PVALB: variants seen among roughly 807,000 people sequenced by gnomAD.
The protein encoded by PVALB is parvalbumin alpha.
Under a neutral mutation model 10.9 loss-of-function variants are expected in PVALB, and 11 were observed. The ratio of observed to expected loss-of-function variants is 1.01; its 90% confidence interval spans 0.63 to 1.67. PVALB has a LOEUF of 1.67. Ranked by LOEUF, PVALB falls within the 40% of genes most tolerant of loss-of-function variation. The probability of loss-of-function intolerance (pLI) is 0.00; values close to 1 mark genes in which losing one functional copy is unlikely to be tolerated. For missense variants in PVALB, 131 were observed against 136.2 expected, an observed-to-expected ratio of 0.96 and a Z score of 0.19; for synonymous variants, 57 against 50.7, an observed-to-expected ratio of 1.12 and a Z score of -0.53.
upstream of PVALB, among the ~76,000 whole-genome samples, chr22:36,818,004 G>A (rs1053975960): frequency 6.6e-5 from 10 of 152,054 alleles, no homozygotes; most frequent in African/African-American, 2.4e-4. Context: ...AAAATGTCAC[G>A]GTGCCTATCT....
At chr22:36,808,549 A>G (rs948981655) in intron 3 of PVALB, among the ~76,000 whole-genome samples, 1 of 152,180 alleles carries the variant, frequency 6.6e-6, no homozygotes, top group African/African-American at 2.4e-5. Flanking sequence ...GGATTATTGT[A>G]AGGCAGTGGT....
Position 36,801,665 on chromosome 22 carries a change from T to C in PVALB, c.305-747A>G, listed in dbSNP as rs539822913. 1.5e-4 allele frequency among the ~76,000 whole-genome samples: 23 copies of C among 152,290 alleles called. No homozygotes were observed. In the South Asian group the frequency reaches 4.6e-3, roughly 30 times the overall value. On this transcript the variant is annotated intron_variant, in intron 3 of 3. Coordinates refer to ENST00000417718, the MANE Select transcript of PVALB (RefSeq NM_001315532.2). The stretch of plus-strand genomic sequence containing the variant: ...AAATGCAAAAATTAGCTGGGTGTGG[T>C]GGCGGACGCCTGTAATCCCAGCTAC...
In PVALB at chr22:36,801,920, G is replaced by A. The variant is rs1034382224; in HGVS notation, c.305-1002C>T. 2.6e-5 allele frequency among the ~76,000 whole-genome samples: 4 copies of A among 152,228 alleles called. No individual in the cohort carries two copies. In the East Asian group the frequency reaches 7.7e-4, roughly 29 times the overall value. On this transcript the variant is annotated intron_variant, in intron 3 of 3. Coordinates refer to ENST00000417718, the MANE Select transcript of PVALB (RefSeq NM_001315532.2). The stretch of plus-strand genomic sequence containing the variant: ...AGTCTGGCCCTATTTGCTGGAAAAT[G>A]TATCTCTCTGGGTTTTGGTTCCCTC...
At chr22:36,816,906 C>T in intron 1 of PVALB, 39 bp downstream of exon 1, 1 of 1,557,516 alleles carries the variant, frequency 6.4e-7, no homozygotes, top group Non-Finnish European at 8.7e-7. Flanking sequence ...GGGCGGTGGA[C>T]GAGGGGAGAG....
intron 3 of PVALB, among the ~76,000 whole-genome samples, chr22:36,806,534 T>C (rs1938952837): frequency 6.6e-6 from 1 of 152,146 alleles, no homozygotes; most frequent in Admixed American, 6.5e-5. Flanking sequence ...GGAAGGCTCT[T>C]TCCCTCCCTC....
intron 3 of PVALB, among the ~76,000 whole-genome samples, chr22:36,812,482 T>C (rs1247305529): frequency 6.6e-6 from 1 of 152,224 alleles, no homozygotes. Flanking sequence ...AATACATATA[T>C]AACATTTACT....
intron 3 of PVALB, among the ~76,000 whole-genome samples, chr22:36,807,700 G>A (rs999949778): frequency 6.6e-5 from 10 of 152,168 alleles, no homozygotes; most frequent in African/African-American, 2.4e-4. Context: ...TCCTGAGAGA[G>A]GAAAAGATAC....
chr22:36,817,111 A>C (rs1472460460), upstream of PVALB: 1 of 1,101,008 alleles, frequency 9.1e-7, no homozygotes. Flanking sequence ...CGCCGGGCGC[A>C]CGCCCGCCGG....
chr22:36,803,550 G>A (rs868384750), intron 3 of PVALB, among the ~76,000 whole-genome samples: 28 of 147,834 alleles, frequency 1.9e-4, no homozygotes, highest in African/African-American at 6.7e-4. Flanking sequence ...ATAGAGGGAT[G>A]GATGGATGGG....
At position 36,800,772 on chromosome 22, in the gene PVALB, G is replaced by A. The variant is rs56010443; in HGVS notation, c.*118C>T. On this transcript the variant is annotated 3_prime_UTR_variant, in exon 4 of 4. Coordinates refer to ENST00000417718, the MANE Select transcript of PVALB (RefSeq NM_001315532.2). The stretch of plus-strand genomic sequence containing the variant: ...ATGGTGTCATTAGAGGGCCACAGGG[G>A]ATGGGGGAGTAAAAAATAACATAAA... 6.5e-3 allele frequency: 7,343 copies of A among 1,125,136 alleles called. 46 individuals carry two copies. The highest frequency in any genetic ancestry group is 8.3e-3 in the Non-Finnish European group (6,130 of 736,636). The allele number at this position is 1,125,136 out of a possible 1,614,324, so 69.7% of individuals were successfully genotyped here.
chr22:36,819,057 C>A (rs1156761718), upstream of PVALB, among the ~76,000 whole-genome samples: 1 of 152,206 alleles, frequency 6.6e-6, no homozygotes. Context: ...GCCCTCCCAG[C>A]CAGAGCATCA....
intron 3 of PVALB, among the ~76,000 whole-genome samples, chr22:36,807,368 C>A (rs1351613243): frequency 6.6e-6 from 1 of 152,214 alleles, no homozygotes; most frequent in African/African-American, 2.4e-5. Context: ...GGGCTCTGCC[C>A]TCAAAACCCT....
intron 2 of PVALB, among the ~76,000 whole-genome samples, chr22:36,814,245 A>G (rs1939095077): frequency 6.7e-6 from 1 of 149,552 alleles, no homozygotes; most frequent in East Asian, 2.0e-4. Flanking sequence ...TACCTGGAGG[A>G]CAGGGGGAAG....
At chr22:36,811,660 C>T (rs1939048303) in intron 3 of PVALB, 3 of 412,754 alleles carry the variant, frequency 7.3e-6, no homozygotes, top group Non-Finnish European at 1.5e-5. Context: ...CCATGAAGAC[C>T]CAGCCCAGGG....
Position 36,800,881 on chromosome 22 carries a change from C to G in PVALB, c.*9G>C. 2 of 1,608,050 alleles carry G rather than the reference C, an allele frequency of 1.2e-6. No homozygotes were observed. Among genetic ancestry groups the G allele is most frequent in the Non-Finnish European group, 1.7e-6 (2 of 1,174,524 alleles). On this transcript the variant is annotated 3_prime_UTR_variant, in exon 4 of 4. Transcript: ENST00000417718. ...AGAGAGGTGGAAGACCAGGGGCAGT[C>G]AGTGCTTCTTAGCTTTCAGCCACCA... is the stretch of plus-strand genomic sequence containing the variant.
intron 2 of PVALB, 109 bp from the exon 3 acceptor site, chr22:36,813,864 A>G (rs1413278943): frequency 5.9e-5 from 50 of 849,032 alleles, no homozygotes; most frequent in Non-Finnish European, 9.8e-5. Flanking sequence ...GATGGCTGGG[A>G]CAGGCAGCGA....
chr22:36,808,575 C>T (rs1448051527), intron 3 of PVALB, among the ~76,000 whole-genome samples: 2 of 152,294 alleles, frequency 1.3e-5, no homozygotes, highest in Admixed American at 6.5e-5. Flanking sequence ...AAGTGTGGTT[C>T]GCCAGATCAT....
chr22:36,817,055 C>G, upstream of PVALB: 1 of 1,544,976 alleles, frequency 6.5e-7, no homozygotes, highest in Non-Finnish European at 8.8e-7. Flanking sequence ...TTAAAAAGTG[C>G]TTTTCTCATC....
chr22:36,800,708 G>T lies in PVALB; in HGVS notation c.*182C>A. On this transcript the variant is annotated 3_prime_UTR_variant, in exon 4 of 4. Transcript: ENST00000417718. ...CTTCCTGAGCAAGCAGAGTCTGACT[G>T]GTACAACCTTTATTGCTTCTCCAGC... 1 of 708,386 alleles carries T rather than the reference G, an allele frequency of 1.4e-6. No homozygotes were observed. Among genetic ancestry groups the T allele is most frequent in the South Asian group, 1.8e-5 (1 of 56,680 alleles). The allele number at this position is 708,386 out of a possible 1,614,324, so 43.9% of individuals were successfully genotyped here. A position where few individuals can be genotyped will look rare whatever the true frequency, so the allele number is the denominator to read the frequency against.
Sources: gnomAD v4.1 joint callset for allele counts (sites outside exome capture counted in the v4.1 genomes callset) on GRCh38, gnomAD v4.1.1 for gene constraint, MANE v1.5 for transcripts, NCBI Gene and HGNC (gene_info 2026-07-23, HGNC 2026-07-21) for gene names.